The following SPTBN1 variants were observed in gnomAD, a reference collection of about 807,000 sequenced individuals.
SPTBN1 encodes the protein spectrin beta, non-erythrocytic 1.
In SPTBN1, 32 loss-of-function variants were observed where a neutral mutation model predicts 266.4. That is an observed-to-expected ratio of 0.12 (90% CI 0.09 to 0.16). The LOEUF (loss-of-function observed/expected upper bound fraction) is 0.16, where lower values mean the gene tolerates loss of function less well. Ranked by LOEUF, SPTBN1 falls within the 10% of genes least tolerant of loss-of-function variation. The pLI is 1.00. For synonymous variants in SPTBN1, 1,336 were observed against 1,162.2 expected, an observed-to-expected ratio of 1.15 and a Z score of -3.04; for missense variants, 2,296 against 3,067.1, an observed-to-expected ratio of 0.75 and a Z score of 5.94.
At chr2:54,508,425 T>TGAG (rs1669685949) in intron 1 of SPTBN1, among the ~76,000 whole-genome samples, 1 of 152,110 alleles carries the variant, frequency 6.6e-6, no homozygotes, top group African/African-American at 2.4e-5. Context: ...GAGAAATTCT[T>TGAG]GAGGAGTAGT....
intron 2 of SPTBN1, among the ~76,000 whole-genome samples, chr2:54,578,746 T>TGG (rs962870066): frequency 1.5e-4 from 19 of 128,442 alleles, no homozygotes; most frequent in Non-Finnish European, 2.3e-4. Context: ...TGTCTTCTGA[T>TGG]GGGGTGTGTG....
chr2:54,638,059 A>G (rs1184014696), intron 18 of SPTBN1, among the ~76,000 whole-genome samples: 1 of 152,230 alleles, frequency 6.6e-6, no homozygotes, highest in East Asian at 1.9e-4. Flanking sequence ...GACACCAGCC[A>G]CAATGTCTTT....
intron 2 of SPTBN1, among the ~76,000 whole-genome samples, chr2:54,549,289 C>CAAAA (rs35199228): frequency 6.4e-5 from 7 of 108,764 alleles, no homozygotes; most frequent in African/African-American, 2.4e-4. Flanking sequence ...AACTCTGTCT[C>CAAAA]AAAAAAAAAA....
chr2:54,553,999 C>T (rs1260843970), intron 2 of SPTBN1, among the ~76,000 whole-genome samples: 5 of 152,168 alleles, frequency 3.3e-5, no homozygotes, highest in Non-Finnish European at 7.4e-5. Flanking sequence ...CAAAACCAAA[C>T]AAGACCTAAT....
At chr2:54,496,102 C>T (rs140196890) in intron 1 of SPTBN1, among the ~76,000 whole-genome samples, 18 of 151,894 alleles carry the variant, frequency 1.2e-4, no homozygotes, top group African/African-American at 4.3e-4. Flanking sequence ...CTGTTGTTCC[C>T]AAAGGAAGAT....
Position 54,558,180 on chromosome 2 carries a change from T to G in SPTBN1, c.148+31614T>G, listed in dbSNP as rs1254153465. On this transcript the variant is annotated intron_variant, in intron 2 of 35. Transcript: ENST00000356805. The surrounding 1 kb of genome is among the most constrained non-coding windows in gnomAD (Gnocchi z 4.6). Reference sequence around the variant, plus strand: ...GGCGAGTCCAGGGCCCGGCCGGGGGTCGGCGGCTGCCGGGCGGCTGGGGCG... The same window carrying G: ...GGCGAGTCCAGGGCCCGGCCGGGGGGCGGCGGCTGCCGGGCGGCTGGGGCG... 1 of 985,042 alleles carries G rather than the reference T, an allele frequency of 1.0e-6. No individual in the cohort carries two copies. The highest frequency in any genetic ancestry group is 1.2e-6 in the Non-Finnish European group (1 of 829,854). The allele number at this position is 985,042 out of a possible 1,614,324, so 61.0% of individuals were successfully genotyped here.
At chr2:54,639,785 G>C (rs1490873726) in intron 18 of SPTBN1, among the ~76,000 whole-genome samples, 1 of 152,246 alleles carries the variant, frequency 6.6e-6, no homozygotes, top group Non-Finnish European at 1.5e-5. Context: ...GAGTTCCAGT[G>C]ATTATGAGGC....
At chr2:54,579,853 G>T (rs961092834) in intron 2 of SPTBN1, among the ~76,000 whole-genome samples, 7 of 152,184 alleles carry the variant, frequency 4.6e-5, no homozygotes, top group African/African-American at 9.7e-5. Context: ...AAAGCAAATA[G>T]CCCACAGCAG....
chr2:54,491,031 C>T (rs570143588), intron 1 of SPTBN1, among the ~76,000 whole-genome samples: 1 of 152,102 alleles, frequency 6.6e-6, no homozygotes, highest in Non-Finnish European at 1.5e-5. Context: ...TTCTTCAAAG[C>T]TCGTTTGAGC....
Position 54,631,348 on chromosome 2 carries a change from C to T in SPTBN1, c.3301C>T (p.Leu1101Phe). The change falls in exon 16 of 36, where the codon CTC becomes TTC. Residue 1101 changes from leucine to phenylalanine, a missense_variant. Leu to Phe is a conservative substitution (Grantham distance 22, BLOSUM62 0). Transcript: ENST00000356805. ...PNTLTEAEKL[L>F]TQHENIKNEI... Reference sequence around the variant, plus strand: ...CACCCTGACCGAGGCTGAGAAGCTGCTCACGCAGCACGAGAACATCAAGAA... The same window carrying T: ...CACCCTGACCGAGGCTGAGAAGCTGTTCACGCAGCACGAGAACATCAAGAA... 1 of 1,614,256 alleles carries T rather than the reference C, an allele frequency of 6.2e-7. No individual in the cohort carries two copies. The highest frequency in any genetic ancestry group is 8.5e-7 in the Non-Finnish European group (1 of 1,180,044).
intron 2 of SPTBN1, among the ~76,000 whole-genome samples, chr2:54,541,706 G>A (rs1573375595): frequency 6.6e-6 from 1 of 152,164 alleles, no homozygotes; most frequent in East Asian, 1.9e-4. Context: ...TACTCATGGA[G>A]ATGTAACCTA....
intron 1 of SPTBN1, among the ~76,000 whole-genome samples, chr2:54,468,046 C>T (rs527779153): frequency 1.3e-5 from 2 of 152,214 alleles, no homozygotes; most frequent in South Asian, 2.1e-4. Flanking sequence ...CGGTGGCTCA[C>T]GCCTCTAATG....
At chr2:54,506,223 C>T (rs1051938652) in intron 1 of SPTBN1, among the ~76,000 whole-genome samples, 1 of 152,146 alleles carries the variant, frequency 6.6e-6, no homozygotes, top group Non-Finnish European at 1.5e-5. Flanking sequence ...GGCCCTGGGA[C>T]CTTCCCCGTG....
chr2:54,603,389 C>G (rs1387361198), intron 3 of SPTBN1, among the ~76,000 whole-genome samples: 3 of 152,138 alleles, frequency 2.0e-5, no homozygotes, highest in Non-Finnish European at 4.4e-5. Flanking sequence ...AGAGTACTCT[C>G]CTACTCTTTT....
At chr2:54,456,655 C>G (rs1693048138) in intron 1 of SPTBN1, 137 bp downstream of exon 1, 1 of 151,070 alleles carries the variant, frequency 6.6e-6, no homozygotes, top group South Asian at 2.1e-4. Flanking sequence ...GCCCTGCGCC[C>G]GGGGAGCCGC....
At chr2:54,647,335 A>G in intron 24 of SPTBN1, 74 bp downstream of exon 24, 1 of 1,563,004 alleles carries the variant, frequency 6.4e-7, no homozygotes. Flanking sequence ...AACCCCCACC[A>G]AAAGAAAATG....
At chr2:54,587,836 C>T (rs1292324158) in intron 2 of SPTBN1, among the ~76,000 whole-genome samples, 1 of 152,112 alleles carries the variant, frequency 6.6e-6, no homozygotes, top group Non-Finnish European at 1.5e-5. Flanking sequence ...ATACCCACTC[C>T]GCTGGGGAGT....
At chr2:54,564,252 T>C (rs938746548) in intron 2 of SPTBN1, among the ~76,000 whole-genome samples, 1 of 152,196 alleles carries the variant, frequency 6.6e-6, no homozygotes, top group African/African-American at 2.4e-5. Flanking sequence ...AGGAAGGTGA[T>C]AGATAACTCC....
At chr2:54,487,852 C>G (rs1230981048) in intron 1 of SPTBN1, among the ~76,000 whole-genome samples, 2 of 652 alleles carry the variant, frequency 3.1e-3, no homozygotes, top group African/African-American at 7.0e-3. Context: ...TTTTTTGAGA[C>G]GGAGTCTTGC....
Sources: gnomAD v4.1 joint callset for allele counts (sites outside exome capture counted in the v4.1 genomes callset) on GRCh38, gnomAD v4.1.1 for gene constraint, Gnocchi (gnomAD v3.1) non-coding constraint, MANE v1.5 for transcripts, NCBI Gene and HGNC (gene_info 2026-07-23, HGNC 2026-07-21) for gene names.